Variants in SV2C observed in about 807,000 individuals in gnomAD.
SV2C encodes the protein synaptic vesicle glycoprotein 2C, also known as solute carrier family 22 member B3.
Under a neutral mutation model 79.7 loss-of-function variants are expected in SV2C, and 49 were observed. That is an observed-to-expected ratio of 0.61 (90% CI 0.49 to 0.78). The LOEUF (loss-of-function observed/expected upper bound fraction) is 0.78. Among genes scored for constraint, SV2C ranks in the 30% least tolerant of loss-of-function variants. The pLI is 0.00. For missense variants in SV2C, 833 were observed against 912.9 expected, an observed-to-expected ratio of 0.91 and a Z score of 1.13; for synonymous variants, 334 against 333.2, an observed-to-expected ratio of 1.00 and a Z score of -0.03.
At chr5:76,018,521 C>A in the SV2C span, among the ~76,000 whole-genome samples, 1 of 152,070 alleles carries the variant, frequency 6.6e-6, no homozygotes, top group Non-Finnish European at 1.5e-5. Context: ...TTGCTTAAAA[C>A]AGAGATATGT....
At chr5:76,026,316 T>A in the SV2C span, among the ~76,000 whole-genome samples, 1 of 151,870 alleles carries the variant, frequency 6.6e-6, no homozygotes. Context: ...AAATGAAGAC[T>A]TTTTCTATGT....
chr5:76,073,708 A>G, the SV2C span, among the ~76,000 whole-genome samples: 1 of 151,514 alleles, frequency 6.6e-6, no homozygotes, highest in East Asian at 1.9e-4. Context: ...TGAGTATGCA[A>G]AGGCATAAGA....
chr5:76,081,010 C>T (rs1746977819), upstream of SV2C, among the ~76,000 whole-genome samples: 1 of 152,142 alleles, frequency 6.6e-6, no homozygotes, highest in South Asian at 2.1e-4. Context: ...CCTCCAAAGA[C>T]ACAACGTTAA....
the SV2C span, among the ~76,000 whole-genome samples, chr5:75,933,792 C>T: frequency 6.6e-6 from 1 of 152,204 alleles, no homozygotes; most frequent in Non-Finnish European, 1.5e-5. Context: ...TATCATCTGT[C>T]CAAGCTTTAT....
At chr5:75,998,403 C>G in the SV2C span, among the ~76,000 whole-genome samples, 5 of 152,156 alleles carry the variant, frequency 3.3e-5, no homozygotes, top group East Asian at 9.7e-4. Flanking sequence ...TATACTCATG[C>G]CATCACTAGT....
upstream of SV2C, chr5:76,082,215 G>A (rs934078382): frequency 2.0e-5 from 3 of 152,280 alleles, no homozygotes; most frequent in Non-Finnish European, 4.4e-5. Flanking sequence ...GGGACGTGAG[G>A]ATGCCCTACT....
chr5:75,866,698 G>A, the SV2C span, among the ~76,000 whole-genome samples: 1 of 152,198 alleles, frequency 6.6e-6, no homozygotes, highest in Non-Finnish European at 1.5e-5. Flanking sequence ...GAATAACTTT[G>A]AGAGAGAAAA....
At chr5:76,127,656 T>A (rs1748753443) in intron 1 of SV2C, among the ~76,000 whole-genome samples, 1 of 152,202 alleles carries the variant, frequency 6.6e-6, no homozygotes, top group African/African-American at 2.4e-5. Context: ...CAGTGTGCCT[T>A]TGCCTTCCTC....
intron 2 of SV2C, among the ~76,000 whole-genome samples, chr5:76,189,011 A>AC (rs928373649): frequency 6.6e-6 from 1 of 151,812 alleles, no homozygotes; most frequent in Non-Finnish European, 1.5e-5. Flanking sequence ...CCCCACTCCC[A>AC]CCCCCATGCA....
At chr5:76,180,584 T>C (rs1011779083) in intron 2 of SV2C, among the ~76,000 whole-genome samples, 1 of 152,226 alleles carries the variant, frequency 6.6e-6, no homozygotes, top group African/African-American at 2.4e-5. Context: ...GGTACCCTCT[T>C]GCTCCTCTGA....
At chr5:76,048,156 A>G in the SV2C span, among the ~76,000 whole-genome samples, 1 of 152,152 alleles carries the variant, frequency 6.6e-6, no homozygotes, top group Admixed American at 6.5e-5. Context: ...ACTATTAGAG[A>G]GTAAGATACA....
intron 2 of SV2C, among the ~76,000 whole-genome samples, chr5:76,143,651 C>T (rs1255013699): frequency 6.6e-6 from 1 of 152,176 alleles, no homozygotes; most frequent in African/African-American, 2.4e-5. Context: ...ATTACCACAA[C>T]AGCAGTGGAG....
the SV2C span, among the ~76,000 whole-genome samples, chr5:75,986,676 G>T: frequency 6.6e-6 from 1 of 151,936 alleles, no homozygotes; most frequent in African/African-American, 2.4e-5. Flanking sequence ...GTCTTCGAAG[G>T]GCAGGTAACA....
At chr5:76,077,920 G>T in the SV2C span, among the ~76,000 whole-genome samples, 1 of 152,182 alleles carries the variant, frequency 6.6e-6, no homozygotes, top group Non-Finnish European at 1.5e-5. Context: ...GTTTGCCCAG[G>T]TCCAAGGATT....
At chr5:76,066,903 G>T in the SV2C span, among the ~76,000 whole-genome samples, 3 of 151,994 alleles carry the variant, frequency 2.0e-5, no homozygotes, top group Non-Finnish European at 4.4e-5. Context: ...TTACAGCTAT[G>T]TGTGTTTATT....
chr5:76,049,477 A>G, the SV2C span, among the ~76,000 whole-genome samples: 1 of 152,230 alleles, frequency 6.6e-6, no homozygotes, highest in Non-Finnish European at 1.5e-5. Flanking sequence ...TTACTAATCA[A>G]TGAGCTTATT....
At chr5:76,169,905 G>A (rs902943445) in intron 2 of SV2C, among the ~76,000 whole-genome samples, 5 of 152,162 alleles carry the variant, frequency 3.3e-5, no homozygotes, top group East Asian at 1.9e-4. Flanking sequence ...CCCAAAGAAG[G>A]TCAGAGATGT....
the SV2C span, among the ~76,000 whole-genome samples, chr5:76,076,798 C>G: frequency 5.9e-5 from 9 of 152,158 alleles, no homozygotes; most frequent in Admixed American, 3.9e-4. Context: ...TTCAGCAGTC[C>G]CCTATATTGG....
At chr5:76,114,991 T>C (rs1748217681) in intron 1 of SV2C, among the ~76,000 whole-genome samples, 1 of 152,228 alleles carries the variant, frequency 6.6e-6, no homozygotes, top group Non-Finnish European at 1.5e-5. Flanking sequence ...GCACTGTTAT[T>C]TCCCATTTTA....
Sources: allele counts gnomAD v4.1 joint callset (sites outside exome capture counted in the v4.1 genomes callset), GRCh38; gene constraint gnomAD v4.1.1; transcripts MANE v1.5; gene names NCBI Gene and HGNC (gene_info 2026-07-23, HGNC 2026-07-21).